ADGRF4: variants seen among roughly 807,000 people sequenced by gnomAD.
ADGRF4 encodes G-protein coupled receptor PGR18.
ADGRF4 carries 63 observed loss-of-function variants against 58.5 expected under a neutral mutation model. The observed-to-expected ratio is 1.08, with a 90% CI of 0.88 to 1.33. The LOEUF (loss-of-function observed/expected upper bound fraction) is 1.33, where lower values mean the gene tolerates loss of function less well. Among genes scored for constraint, ADGRF4 ranks in the 40% most tolerant of loss-of-function variants. The probability of loss-of-function intolerance (pLI) is 0.00; values close to 1 mark genes in which losing one functional copy is unlikely to be tolerated. For missense variants in ADGRF4, 931 were observed against 843.9 expected, an observed-to-expected ratio of 1.10 and a Z score of -1.28; for synonymous variants, 313 against 295.4, an observed-to-expected ratio of 1.06 and a Z score of -0.61.
rs1278974116 is a variant in ADGRF4, at chr6:47,721,874, A to T, written c.*669A>T. 6.6e-6 allele frequency: 1 copy of T among 152,202 alleles called. No homozygotes were observed. Among genetic ancestry groups the T allele is most frequent in the African/African-American group, 2.4e-5 (1 of 41,458 alleles). The allele number at this position is 152,202 out of a possible 1,614,324, so 9.4% of individuals were successfully genotyped here. A position where few individuals can be genotyped will look rare whatever the true frequency, so the allele number is the denominator to read the frequency against. ...TCCTTATTTGTGAAACAGGAAAAAA[A>T]AATTCTTGTAGGTATTACTGTTTGT... On this transcript the variant is annotated 3_prime_UTR_variant, in exon 10 of 10. Coordinates refer to ENST00000283303, the MANE Select transcript of ADGRF4 (RefSeq NM_153838.5).
rs149478777 is a variant in ADGRF4, at chr6:47,717,348, T to A, written c.2031T>A (p.Ala677=). ...CACTGAAGGGGAAATCGAGGGCAGCTGAGGTAAGCCTTCCCCTTTTAGTCT... is the reference window on the plus strand; with the variant it reads ...CACTGAAGGGGAAATCGAGGGCAGCAGAGGTAAGCCTTCCCCTTTTAGTCT... ...MSSLKGKSRA[A]ENASLGPTNG... The change falls in exon 8 of 10, where the codon GCT becomes GCA. Residue 677 remains alanine (A), a synonymous_variant. Coordinates refer to ENST00000283303, the MANE Select transcript of ADGRF4 (RefSeq NM_153838.5). The A allele has an allele frequency of 6.2e-7, 1 of 1,608,476 alleles. No homozygotes were observed. The highest frequency in any genetic ancestry group is 2.2e-5 in the East Asian group (1 of 44,844).
Position 47,721,615 on chromosome 6 carries a change from C to T in ADGRF4, c.*410C>T, listed in dbSNP as rs924109825. The T allele has an allele frequency of 6.6e-6, 1 of 152,058 alleles. No homozygotes were observed. Among genetic ancestry groups the T allele is most frequent in the African/African-American group, 2.4e-5 (1 of 41,358 alleles). 9.4% of individuals were successfully genotyped at this position (152,058 alleles called of 1,614,324 possible). On this transcript the variant is annotated 3_prime_UTR_variant, in exon 10 of 10. Transcript: ENST00000283303. ...CAGTCCTCCATCACTCTGCGTGGAT[C>T]CTGGGTACTTTGGACAGTGAGGGTT...
At chr6:47,704,652 G>T (rs1407726065) in intron 1 of ADGRF4, among the ~76,000 whole-genome samples, 1 of 152,090 alleles carries the variant, frequency 6.6e-6, no homozygotes, top group African/African-American at 2.4e-5. Context: ...CAATCCATTA[G>T]AGTCTTGTGA....
intron 1 of ADGRF4, among the ~76,000 whole-genome samples, chr6:47,701,343 A>G (rs373503396): frequency 5.3e-5 from 8 of 152,142 alleles, no homozygotes; most frequent in Admixed American, 3.9e-4. Context: ...GAGGCGGGTT[A>G]TGGAAGTGGA....
chr6:47,713,591 C>A (rs1420732371), intron 5 of ADGRF4, among the ~76,000 whole-genome samples: 1 of 152,128 alleles, frequency 6.6e-6, no homozygotes, highest in East Asian at 1.9e-4. Context: ...GCAGGTAAAC[C>A]TTAGCTGTGA....
chr6:47,700,646 C>CT (rs146781229), intron 1 of ADGRF4, among the ~76,000 whole-genome samples: 1 of 152,266 alleles, frequency 6.6e-6, no homozygotes, highest in African/African-American at 2.4e-5. Flanking sequence ...CTGCTCAATT[C>CT]TTTTTTCACA....
At chr6:47,719,969 C>A (rs914421440) in intron 9 of ADGRF4, among the ~76,000 whole-genome samples, 1 of 152,158 alleles carries the variant, frequency 6.6e-6, no homozygotes, top group Non-Finnish European at 1.5e-5. Context: ...GGACTGGATT[C>A]TTTTAGCATA....
At chr6:47,708,189 A>T in intron 2 of ADGRF4, 35 bp from the exon 3 acceptor site, 1 of 1,543,458 alleles carries the variant, frequency 6.5e-7, no homozygotes, top group Non-Finnish European at 9.0e-7. Context: ...AGAGTCCCAC[A>T]GTAAAGAGGA....
chr6:47,713,691 CA>C lies in ADGRF4; in HGVS notation c.553-104del, dbSNP rs1351407530. On this transcript the variant is annotated intron_variant, in intron 5 of 9. Transcript: ENST00000283303. ...ATAGGGAATTTGAAGAGAAATATGC[CA>C]AATAAGATTGGGTAACCTGATCTTT... is the stretch of plus-strand genomic sequence containing the variant. 3 of 841,716 alleles carry C rather than the reference CA, an allele frequency of 3.6e-6. No individual in the cohort carries two copies. In the African/African-American group the frequency reaches 5.2e-5, roughly 15 times the overall value. The allele number at this position is 841,716 out of a possible 1,614,324, so 52.1% of individuals were successfully genotyped here. A position where few individuals can be genotyped will look rare whatever the true frequency, so the allele number is the denominator to read the frequency against.
Position 47,714,339 on chromosome 6 carries a change from A to T in ADGRF4, c.1094A>T (p.Gln365Leu). The change falls in exon 6 of 10, where the codon CAA (glutamine) becomes CTA (leucine). Residue 365 changes from glutamine (Q) to leucine (L), a missense_variant. Coordinates refer to ENST00000283303, the MANE Select transcript of ADGRF4 (RefSeq NM_153838.5). The part of the protein sequence containing the change: ...KKRRWDEKAC[Q>L]MMLDIRNEVK... Reference sequence around the variant, plus strand: ...AGGAGATGGGATGAGAAAGCGTGCCAAATGATGTTGGATATCAGGAACGAA... The same window carrying T: ...AGGAGATGGGATGAGAAAGCGTGCCTAATGATGTTGGATATCAGGAACGAA... 6.2e-7 allele frequency: 1 copy of T among 1,614,204 alleles called. No homozygotes were observed. Among genetic ancestry groups the T allele is most frequent in the Middle Eastern group, 1.7e-4 (1 of 6,060 alleles).
Position 47,714,313 on chromosome 6 carries a change from AAGG to A in ADGRF4, c.1071_1073del (p.Arg358del). The A allele has an allele frequency of 6.2e-7, 1 of 1,614,172 alleles. No homozygotes were observed. Among genetic ancestry groups the A allele is most frequent in the Non-Finnish European group, 8.5e-7 (1 of 1,180,028 alleles). ...AGTGTGTTGGCTGGCACTCCAAGAA[AAGG>A]AGATGGGATGAGAAAGCGTGCCAAA... On this transcript the variant is annotated inframe_deletion, in exon 6 of 10. Coordinates refer to ENST00000283303, the MANE Select transcript of ADGRF4 (RefSeq NM_153838.5).
chr6:47,714,375 G>T lies in ADGRF4; in HGVS notation c.1130G>T (p.Arg377Leu), dbSNP rs767991215. The T allele has an allele frequency of 2.5e-6, 4 of 1,614,130 alleles. No individual in the cohort carries two copies. The highest frequency in any genetic ancestry group is 3.3e-5 in the Admixed American group (2 of 60,022). Residue 377 changes from arginine (R) to leucine (L), a missense_variant, in exon 6 of 10, where the codon CGC becomes CTC. Coordinates refer to ENST00000283303, the MANE Select transcript of ADGRF4 (RefSeq NM_153838.5). The part of the protein sequence containing the change: ...MLDIRNEVKC[R>L]CNYTSVVMSF... Reference sequence around the variant, plus strand: ...GATATCAGGAACGAAGTGAAATGCCGCTGTAACTACACCAGTGTGGTGATG... The same window carrying T: ...GATATCAGGAACGAAGTGAAATGCCTCTGTAACTACACCAGTGTGGTGATG...
At chr6:47,716,725 T>C in intron 6 of ADGRF4, 81 bp from the exon 7 acceptor site, 1 of 1,042,408 alleles carries the variant, frequency 9.6e-7, no homozygotes, top group South Asian at 1.3e-5. Context: ...CTAGGAGGTA[T>C]CTAGAAGAGC....
chr6:47,717,880 T>C lies in ADGRF4; in HGVS notation c.2035-509T>C, dbSNP rs940042809. On this transcript the variant is annotated intron_variant, in intron 8 of 9. Transcript: ENST00000283303. The stretch of plus-strand genomic sequence containing the variant: ...TGGAGTATCTATGTATTTAGAGATC[T>C]TGAAGACTTTGGGCCTGGCTATCAG... 5.9e-5 allele frequency among the ~76,000 whole-genome samples: 9 copies of C among 152,340 alleles called. No individual in the cohort carries two copies. The South Asian group carries it at 8.3e-4, about 14-fold the overall frequency.
intron 4 of ADGRF4, among the ~76,000 whole-genome samples, chr6:47,711,170 A>T (rs1771857803): frequency 6.6e-6 from 1 of 152,122 alleles, no homozygotes; most frequent in Non-Finnish European, 1.5e-5. Context: ...ATGATTGCTT[A>T]GAGGTTACAT....
At chr6:47,719,446 A>C (rs1187464145) in intron 9 of ADGRF4, among the ~76,000 whole-genome samples, 1 of 152,166 alleles carries the variant, frequency 6.6e-6, no homozygotes, top group East Asian at 1.9e-4. Context: ...AGACCTTTAC[A>C]AAAGTTGACC....
chr6:47,711,516 C>T (rs1391742190), intron 4 of ADGRF4, among the ~76,000 whole-genome samples: 2 of 152,230 alleles, frequency 1.3e-5, no homozygotes, highest in Non-Finnish European at 2.9e-5. Context: ...CCACCTCGGC[C>T]TCCCAAAGTG....
At chr6:47,712,249 T>A in intron 4 of ADGRF4, 108 bp from the exon 5 acceptor site, 1 of 1,096,944 alleles carries the variant, frequency 9.1e-7, no homozygotes, top group East Asian at 2.4e-5. Context: ...TTAGGACTCT[T>A]TGCTTCTCCA....
At chr6:47,707,489 C>T (rs1020127877) in intron 2 of ADGRF4, 151 bp downstream of exon 2, 5 of 633,430 alleles carry the variant, frequency 7.9e-6, no homozygotes, top group Non-Finnish European at 1.4e-5. Flanking sequence ...AAGAAGGGAA[C>T]AAAGAAAAGC....
Sources: gnomAD v4.1 joint callset for allele counts (sites outside exome capture counted in the v4.1 genomes callset) on GRCh38, gnomAD v4.1.1 for gene constraint, MANE v1.5 for transcripts, NCBI Gene and HGNC (gene_info 2026-07-23, HGNC 2026-07-21) for gene names.